ANTXRL: variants seen among roughly 807,000 people sequenced by gnomAD.
The protein encoded by ANTXRL is anthrax toxin receptor-like.
Under a neutral mutation model 75.4 loss-of-function variants are expected in ANTXRL, and 63 were observed. That is an observed-to-expected ratio of 0.84 (90% CI 0.68 to 1.03). ANTXRL has a LOEUF of 1.03. Ranked by LOEUF, ANTXRL falls within the 50% of genes least tolerant of loss-of-function variation. The pLI, the probability that ANTXRL is intolerant of heterozygous loss-of-function variation, is 0.00. For missense variants in ANTXRL, 797 were observed against 789.4 expected (o/e 1.01, Z -0.12); for synonymous variants, 335 against 291.3 (o/e 1.15, Z -1.53).
chr10:46,308,468 A>G, intron 12 of ANTXRL: 1 of 438,982 alleles, frequency 2.3e-6, no homozygotes, highest in Non-Finnish European at 4.5e-6. Context: ...CCTTCTCTTA[A>G]GTAGAGCTCT....
intron 16 of ANTXRL, among the ~76,000 whole-genome samples, chr10:46,327,257 C>T (rs181149417): frequency 6.6e-6 from 1 of 152,072 alleles, no homozygotes; most frequent in South Asian, 2.1e-4. Flanking sequence ...GACGGTCTGG[C>T]GTGCAGGCTG....
At chr10:46,300,509 A>ATC (rs1296781267) in intron 9 of ANTXRL, among the ~76,000 whole-genome samples, 12 of 151,986 alleles carry the variant, frequency 7.9e-5, no homozygotes, top group African/African-American at 2.4e-4. Context: ...TTTGACAGGC[A>ATC]TCTCCCTCTC....
intron 13 of ANTXRL, among the ~76,000 whole-genome samples, chr10:46,310,252 A>G (rs1342650468): frequency 6.6e-6 from 1 of 152,098 alleles, no homozygotes; most frequent in African/African-American, 2.4e-5. Flanking sequence ...GCGGCGGTAC[A>G]GGGGTTCCCC....
intron 13 of ANTXRL, among the ~76,000 whole-genome samples, chr10:46,310,135 C>T (rs782285516): frequency 9.2e-5 from 14 of 152,218 alleles, no homozygotes; most frequent in East Asian, 1.9e-4. Flanking sequence ...GGAAGTGGGG[C>T]GAACGCTGTC....
chr10:46,311,653 G>A lies in ANTXRL; in HGVS notation c.1317G>A (p.Met439Ile), dbSNP rs1554963572. 3.7e-6 allele frequency: 4 copies of A among 1,092,384 alleles called. No individual in the cohort carries two copies. In the East Asian group the frequency reaches 1.0e-4, roughly 28 times the overall value. The allele number at this position is 1,092,384 out of a possible 1,614,324, so 67.7% of individuals were successfully genotyped here. A position where few individuals can be genotyped will look rare whatever the true frequency, so the allele number is the denominator to read the frequency against. ...CCCGCQGVGG[M>I]RRIEGNLDTF... ...GTGGATGCCAAGGAGTGGGCGGGAT[G>A]AGAAGGATAGAGGTGAGAAGGGCAC... The change falls in exon 15 of 17, where the codon ATG (methionine) becomes ATA (isoleucine). Residue 439 changes from methionine (M) to isoleucine (I), a missense_variant. This residue lies in a region of ANTXRL where 479 missense variants were observed against 422.0 expected (regional missense o/e 1.14). Transcript: ENST00000620264.
In ANTXRL at chr10:46,296,231, A is replaced by T. The variant is rs1554958615; in HGVS notation, c.487A>T (p.Ile163Phe). The stretch of plus-strand genomic sequence containing the variant: ...CATTTTCTTGCAGGCAATTCAACAG[A>T]TCGAAAGTTTCAACTCCGGAAGTAA... ...QAGFRKAIQQ[I>F]ESFNSGNKVP... The change falls in exon 5 of 17, where the codon ATC becomes TTC. Residue 163 changes from isoleucine to phenylalanine, a missense_variant. Ile to Phe is a conservative substitution (Grantham distance 21). Transcript: ENST00000620264. The T allele has an allele frequency of 2.6e-6, 4 of 1,535,788 alleles. No homozygotes were observed. The highest frequency in any genetic ancestry group is 2.0e-5 in the Admixed American group (1 of 50,980).
chr10:46,294,100 C>A (rs780528405), intron 3 of ANTXRL, 200 bp downstream of exon 3: 94 of 577,642 alleles, frequency 1.6e-4, no homozygotes, highest in Non-Finnish European at 2.5e-4. Flanking sequence ...AGGTTACCTG[C>A]AGGCCCCTGT....
rs117062385 is a variant in ANTXRL at position 46,302,161 on chromosome 10, G to A, written c.797-561G>A. Among the ~76,000 whole-genome samples the A allele has an allele frequency of 1.6e-4, 24 of 152,274 alleles. No individual in the cohort carries two copies. The East Asian group carries it at 3.9e-3, about 25-fold the overall frequency. ...CCTTGAGCAGGGTCCTAGGTGGCTC[G>A]CCTGCCCCACCTGAGTCCTGGCCCT... On this transcript the variant is annotated intron_variant, in intron 9 of 16. Transcript: ENST00000620264.
chr10:46,303,749 G>A (rs1837897952), intron 10 of ANTXRL, among the ~76,000 whole-genome samples: 1 of 152,094 alleles, frequency 6.6e-6, no homozygotes, highest in Admixed American at 6.5e-5. Context: ...CCTCTGTGAT[G>A]GTGGAATGGC....
rs189181327 is a variant in ANTXRL, at chr10:46,311,494, G to A, written c.1174-16G>A. 411 of 1,524,672 alleles carry A rather than the reference G, an allele frequency of 2.7e-4. 4 individuals carry two copies. The African/African-American group carries it at 4.9e-3, about 18-fold the overall frequency. 94.4% of individuals were successfully genotyped at this position (1,524,672 alleles called of 1,614,324 possible). ...CTGCCAGCACTGTGAGCAGACAGTT[G>A]TTTTTCTTTTTTTAGGAGCCAGAGC... On this transcript the variant is annotated splice_polypyrimidine_tract_variant and intron_variant, in intron 14 of 16. Coordinates refer to ENST00000620264, the MANE Select transcript of ANTXRL (RefSeq NM_001278688.3).
chr10:46,313,157 G>C (rs1554963907), intron 15 of ANTXRL, 79 bp from the exon 16 acceptor site: 3 of 1,256,408 alleles, frequency 2.4e-6, no homozygotes, highest in East Asian at 5.1e-5. Flanking sequence ...ACAGAGCTGT[G>C]GGGGGCTGGG....
chr10:46,328,556 C>T (rs1839337522), intron 16 of ANTXRL, among the ~76,000 whole-genome samples: 1 of 152,068 alleles, frequency 6.6e-6, no homozygotes, highest in Non-Finnish European at 1.5e-5. Flanking sequence ...AATGCATTCA[C>T]ATGGCCATGT....
intron 9 of ANTXRL, among the ~76,000 whole-genome samples, chr10:46,299,195 G>C (rs540510858): frequency 1.3e-5 from 2 of 151,968 alleles, no homozygotes; most frequent in Non-Finnish European, 2.9e-5. Context: ...GGAACCAAGC[G>C]GTTATCTCAG....
In ANTXRL at chr10:46,297,444, C is replaced by T; in HGVS notation, c.624C>T (p.Thr208=). ...KARKLGANVY[T]LGVADYNLDQ... is the part of the protein sequence containing the mutation. ...GGAAACTGGGGGCCAACGTTTACAC[C>T]CTGGGTGTGGCTGATTATAATCTGG... Residue 208 remains threonine (T), a synonymous_variant, in exon 7 of 17, where the codon ACC becomes ACT. Transcript: ENST00000620264. 5.9e-6 allele frequency: 9 copies of T among 1,535,830 alleles called. No homozygotes were observed. The highest frequency in any genetic ancestry group is 7.8e-6 in the Non-Finnish European group (9 of 1,146,712).
At chr10:46,308,162 C>G (rs1394725719) in intron 12 of ANTXRL, among the ~76,000 whole-genome samples, 1 of 152,184 alleles carries the variant, frequency 6.6e-6, no homozygotes, top group Non-Finnish European at 1.5e-5. Context: ...CTTGTGAGGA[C>G]ACACCAGTGT....
intron 1 of ANTXRL, among the ~76,000 whole-genome samples, chr10:46,290,963 T>C: frequency 6.6e-6 from 1 of 152,170 alleles, no homozygotes; most frequent in East Asian, 1.9e-4. Context: ...ACTTTTCTAT[T>C]TTTAATTTTG....
intron 16 of ANTXRL, among the ~76,000 whole-genome samples, chr10:46,327,624 G>C (rs1446095896): frequency 1.3e-5 from 2 of 152,140 alleles, no homozygotes; most frequent in Non-Finnish European, 2.9e-5. Context: ...CAGTAAGAGA[G>C]AGACCATCTC....
chr10:46,325,220 T>G (rs1839157836), intron 16 of ANTXRL, among the ~76,000 whole-genome samples: 1 of 152,114 alleles, frequency 6.6e-6, no homozygotes, highest in South Asian at 2.1e-4. Context: ...TCCCCTCTAG[T>G]GGTGAACCAG....
chr10:46,304,780 C>T (rs1390380392), intron 10 of ANTXRL, among the ~76,000 whole-genome samples: 2 of 152,146 alleles, frequency 1.3e-5, no homozygotes, highest in African/African-American at 4.8e-5. Context: ...GGCAGGAAAG[C>T]AGACCCAGGC....
Sources: gnomAD v4.1 joint callset for allele counts (sites outside exome capture counted in the v4.1 genomes callset) on GRCh38, gnomAD v4.1.1 for gene constraint, gnomAD v4.1.1 regional missense constraint, MANE v1.5 for transcripts, NCBI Gene and HGNC (gene_info 2026-07-23, HGNC 2026-07-21) for gene names.